The following TENM2 variants were observed in gnomAD, a reference collection of about 807,000 sequenced individuals.
TENM2 encodes the protein teneurin-2.
TENM2 carries 52 observed loss-of-function variants against 245.2 expected under a neutral mutation model. That is an observed-to-expected ratio of 0.21 (90% CI 0.17 to 0.27). The LOEUF is 0.27. TENM2 is among the 10% of genes least tolerant of loss of function. The probability of loss-of-function intolerance (pLI) is 1.00; values close to 1 mark genes in which losing one functional copy is unlikely to be tolerated. For synonymous variants in TENM2, 1,363 were observed against 1,438.9 expected, an observed-to-expected ratio of 0.95 and a Z score of 1.19; for missense variants, 3,046 against 3,666.8, an observed-to-expected ratio of 0.83 and a Z score of 4.37.
At position 168,238,236 on chromosome 5, in the gene TENM2, A is replaced by G. The variant is rs1402173792; in HGVS notation, c.5521-6184A>G. 2.9e-3 allele frequency among the ~76,000 whole-genome samples: 308 copies of G among 105,278 alleles called. 38 individuals carry two copies. The highest frequency in any genetic ancestry group is 0.01 in the African/African-American group (291 of 28,034). 69.1% of individuals were successfully genotyped at this position (105,278 alleles called of 152,430 possible). The stretch of plus-strand genomic sequence containing the variant: ...GAGGGAGAGAGAAGAAAAGAAAAGA[A>G]AAGAAAAGAAAAGAAAAGAAAAGAA... On this transcript the variant is annotated intron_variant, in intron 25 of 28. Transcript: ENST00000518659.
intron 2 of TENM2, among the ~76,000 whole-genome samples, chr5:167,446,248 GTCTC>G (rs1169551428): frequency 6.6e-6 from 1 of 152,264 alleles, no homozygotes; most frequent in East Asian, 1.9e-4. Context: ...CTGAAAGACT[GTCTC>G]TCTCATCTCT....
At chr5:167,864,563 A>T (rs1484516835) in intron 2 of TENM2, among the ~76,000 whole-genome samples, 1 of 152,220 alleles carries the variant, frequency 6.6e-6, no homozygotes, top group Non-Finnish European at 1.5e-5. Context: ...TCAGTGGCAG[A>T]ATCAATATTT....
At chr5:167,935,866 C>A (rs1441001737) in intron 3 of TENM2, among the ~76,000 whole-genome samples, 1 of 152,106 alleles carries the variant, frequency 6.6e-6, no homozygotes, top group African/African-American at 2.4e-5. Flanking sequence ...AGAGCTGTGC[C>A]ATCGCATTAA....
the TENM2 span, among the ~76,000 whole-genome samples, chr5:167,042,344 A>G: frequency 2.4e-4 from 37 of 152,326 alleles, no homozygotes; most frequent in Admixed American, 2.4e-3. Flanking sequence ...AGAGGGAAGT[A>G]GCATCACGTT....
chr5:167,291,440 C>T (rs1015313908), intron 1 of TENM2, among the ~76,000 whole-genome samples: 3 of 152,202 alleles, frequency 2.0e-5, no homozygotes, highest in African/African-American at 7.2e-5. Flanking sequence ...TGGCTTTATT[C>T]TTTGGAGCGA....
At chr5:167,134,457 A>C in the TENM2 span, among the ~76,000 whole-genome samples, 1 of 152,216 alleles carries the variant, frequency 6.6e-6, no homozygotes, top group African/African-American at 2.4e-5. Flanking sequence ...TGTTTGTAGG[A>C]TTCATTATTG....
intron 2 of TENM2, among the ~76,000 whole-genome samples, chr5:167,537,770 G>T (rs1771944067): frequency 6.6e-6 from 1 of 152,134 alleles, no homozygotes; most frequent in Admixed American, 6.5e-5. Context: ...AACCCACGTG[G>T]GTATCATTAG....
chr5:166,979,852 A>G, the TENM2 span, among the ~76,000 whole-genome samples: 1 of 152,084 alleles, frequency 6.6e-6, no homozygotes, highest in Non-Finnish European at 1.5e-5. Context: ...GTTTCTCTCT[A>G]ATGTTCATCG....
chr5:167,360,727 T>C (rs1195473865), intron 1 of TENM2, among the ~76,000 whole-genome samples: 1 of 152,240 alleles, frequency 6.6e-6, no homozygotes, highest in Non-Finnish European at 1.5e-5. Context: ...CTAAGTGTTT[T>C]CTAGTCACAG....
chr5:168,041,852 G>A (rs558830451), intron 5 of TENM2, among the ~76,000 whole-genome samples: 26 of 152,334 alleles, frequency 1.7e-4, no homozygotes, highest in South Asian at 2.1e-4. Flanking sequence ...CAAAATGAAC[G>A]TTAATTGTCA....
chr5:167,920,343 A>G (rs984900443), intron 3 of TENM2, among the ~76,000 whole-genome samples: 4 of 150,950 alleles, frequency 2.6e-5, no homozygotes, highest in Non-Finnish European at 5.9e-5. Context: ...AAAAAAAAGA[A>G]AAAAAAAGAA....
chr5:167,685,752 A>G (rs994082654), intron 2 of TENM2, among the ~76,000 whole-genome samples: 7 of 152,198 alleles, frequency 4.6e-5, no homozygotes, highest in Non-Finnish European at 8.8e-5. Flanking sequence ...AGGTGGTAAA[A>G]AAAACACACT....
the TENM2 span, among the ~76,000 whole-genome samples, chr5:166,982,290 TTC>T: frequency 1.3e-5 from 2 of 152,152 alleles, no homozygotes; most frequent in Non-Finnish European, 2.9e-5. Context: ...GAATGGAGGT[TTC>T]TCTGCATGTG....
the TENM2 span, among the ~76,000 whole-genome samples, chr5:167,153,543 C>T: frequency 2.0e-5 from 3 of 151,914 alleles, no homozygotes; most frequent in Non-Finnish European, 2.9e-5. Flanking sequence ...AGAGGGCAGG[C>T]ACATTCAGTG....
At chr5:168,117,993 C>A (rs1428534840) in intron 9 of TENM2, among the ~76,000 whole-genome samples, 1 of 152,188 alleles carries the variant, frequency 6.6e-6, no homozygotes, top group Non-Finnish European at 1.5e-5. Context: ...AAATGGGGAC[C>A]ATGACTGTAG....
intron 1 of TENM2, among the ~76,000 whole-genome samples, chr5:167,356,097 G>T (rs1292635334): frequency 2.2e-5 from 3 of 139,004 alleles, no homozygotes; most frequent in Middle Eastern, 9.3e-3. Flanking sequence ...CAGGAGAATC[G>T]TTTGAACCCG....
chr5:167,844,888 C>T (rs1253349929), intron 2 of TENM2, among the ~76,000 whole-genome samples: 3 of 151,390 alleles, frequency 2.0e-5, no homozygotes, highest in African/African-American at 7.3e-5. Context: ...TCTATCTTCG[C>T]CCCTTCAGTA....
At chr5:167,931,755 G>A (rs1778307487) in intron 3 of TENM2, among the ~76,000 whole-genome samples, 1 of 152,158 alleles carries the variant, frequency 6.6e-6, no homozygotes, top group African/African-American at 2.4e-5. Context: ...AGAAATAGCT[G>A]GATTATTTAA....
intron 2 of TENM2, among the ~76,000 whole-genome samples, chr5:167,415,568 C>T (rs1415265095): frequency 6.6e-6 from 1 of 152,030 alleles, no homozygotes; most frequent in Non-Finnish European, 1.5e-5. Context: ...TTCTCTTACT[C>T]TTATGAAAAC....
Sources: allele counts gnomAD v4.1 joint callset (sites outside exome capture counted in the v4.1 genomes callset), GRCh38; gene constraint gnomAD v4.1.1; transcripts MANE v1.5; gene names NCBI Gene and HGNC (gene_info 2026-07-23, HGNC 2026-07-21).